Variants in KHDRBS2 observed in about 807,000 individuals in gnomAD.
KHDRBS2 encodes KH RNA binding domain containing, signal transduction associated 2, also known as KH domain-containing, RNA-binding, signal transduction-associated protein 2.
In KHDRBS2, 26 loss-of-function variants were observed where a neutral mutation model predicts 44.3. That is an observed-to-expected ratio of 0.59 (90% CI 0.43 to 0.81). The LOEUF is 0.81. Ranked by LOEUF, KHDRBS2 falls within the 40% of genes least tolerant of loss-of-function variation. The pLI, the probability that KHDRBS2 is intolerant of heterozygous loss-of-function variation, is 0.00. For synonymous variants in KHDRBS2, 194 were observed against 151.1 expected, an observed-to-expected ratio of 1.28 and a Z score of -2.08; for missense variants, 476 against 433.1, an observed-to-expected ratio of 1.10 and a Z score of -0.88.
intron 5 of KHDRBS2, among the ~76,000 whole-genome samples, chr6:61,899,278 T>C (rs1160155382): frequency 6.6e-6 from 1 of 151,878 alleles, no homozygotes; most frequent in African/African-American, 2.4e-5. Flanking sequence ...GAAAAGAATA[T>C]CTCTTATTCA....
At chr6:62,110,802 G>T (rs1300120650) in intron 2 of KHDRBS2, among the ~76,000 whole-genome samples, 1 of 151,942 alleles carries the variant, frequency 6.6e-6, no homozygotes, top group Non-Finnish European at 1.5e-5. Context: ...TATTTTGGTT[G>T]TAGTAATGAT....
At chr6:61,691,892 TTC>T (rs745428856) in intron 8 of KHDRBS2, among the ~76,000 whole-genome samples, 4 of 152,118 alleles carry the variant, frequency 2.6e-5, no homozygotes, top group Non-Finnish European at 5.9e-5. Flanking sequence ...GGCACAAAAT[TTC>T]TTTTTGCTTT....
At chr6:62,283,217 C>T (rs1224618186) in intron 1 of KHDRBS2, among the ~76,000 whole-genome samples, 1 of 152,062 alleles carries the variant, frequency 6.6e-6, no homozygotes, top group Non-Finnish European at 1.5e-5. Flanking sequence ...TTCTGAGTAA[C>T]AATCAACTGA....
intron 6 of KHDRBS2, among the ~76,000 whole-genome samples, chr6:61,823,934 T>C (rs1790417971): frequency 6.6e-6 from 1 of 152,154 alleles, no homozygotes; most frequent in Non-Finnish European, 1.5e-5. Context: ...AGTTAAATCA[T>C]GTAGAAATAT....
chr6:62,222,415 TG>T (rs1334989079), intron 1 of KHDRBS2, among the ~76,000 whole-genome samples: 5 of 152,088 alleles, frequency 3.3e-5, no homozygotes, highest in African/African-American at 4.8e-5. Flanking sequence ...ACTTCTTACA[TG>T]GCAGTGGCAA....
At chr6:62,162,353 A>T (rs1817830721) in intron 2 of KHDRBS2, among the ~76,000 whole-genome samples, 1 of 152,056 alleles carries the variant, frequency 6.6e-6, no homozygotes, top group Admixed American at 6.6e-5. Context: ...GCTAGATATA[A>T]GATTCTTGAT....
At chr6:62,214,356 T>G (rs1829626138) in intron 1 of KHDRBS2, among the ~76,000 whole-genome samples, 1 of 152,164 alleles carries the variant, frequency 6.6e-6, no homozygotes, top group South Asian at 2.1e-4. Flanking sequence ...TATTATTAGT[T>G]TTTTAAATAC....
intron 6 of KHDRBS2, among the ~76,000 whole-genome samples, chr6:61,778,963 AC>A (rs1782516433): frequency 6.6e-6 from 1 of 152,090 alleles, no homozygotes; most frequent in South Asian, 2.1e-4. Context: ...TGGGCATCAG[AC>A]CCATTTCCAC....
chr6:62,146,137 C>T (rs1813883964), intron 2 of KHDRBS2, among the ~76,000 whole-genome samples: 3 of 151,810 alleles, frequency 2.0e-5, no homozygotes, highest in Non-Finnish European at 4.4e-5. Flanking sequence ...ACATACATCT[C>T]CCCTTGAGAA....
chr6:61,898,110 T>C (rs148146510), intron 5 of KHDRBS2, among the ~76,000 whole-genome samples: 1,976 of 152,208 alleles, frequency 0.013, 48 homozygotes, highest in African/African-American at 0.045. Context: ...CAACAAATTA[T>C]AGAGCTTAAA....
intron 6 of KHDRBS2, among the ~76,000 whole-genome samples, chr6:61,760,059 T>C (rs1191629599): frequency 1.3e-5 from 2 of 152,218 alleles, no homozygotes; most frequent in African/African-American, 4.8e-5. Context: ...CATTAAATAC[T>C]TTTTCCTTAA....
At chr6:62,061,468 A>G (rs1327856579) in intron 2 of KHDRBS2, among the ~76,000 whole-genome samples, 3 of 150,722 alleles carry the variant, frequency 2.0e-5, no homozygotes, top group African/African-American at 7.3e-5. Context: ...TCTGGGTTCA[A>G]AATTCTTTTC....
intron 6 of KHDRBS2, among the ~76,000 whole-genome samples, chr6:61,786,983 T>C (rs1783918010): frequency 1.3e-5 from 2 of 150,312 alleles, no homozygotes; most frequent in African/African-American, 4.9e-5. Context: ...TAAATATCTT[T>C]GTATATTTTA....
chr6:62,206,850 A>T (rs1457603305), intron 1 of KHDRBS2, among the ~76,000 whole-genome samples: 1 of 152,090 alleles, frequency 6.6e-6, no homozygotes, highest in East Asian at 1.9e-4. Context: ...AGTGCTTGTG[A>T]TGAAGAATAA....
At chr6:62,021,804 T>G (rs779646981) in intron 3 of KHDRBS2, among the ~76,000 whole-genome samples, 26 of 151,510 alleles carry the variant, frequency 1.7e-4, no homozygotes, top group Non-Finnish European at 3.1e-4. Context: ...AAAGGACAAA[T>G]TGCCTCACAC....
intron 5 of KHDRBS2, among the ~76,000 whole-genome samples, chr6:61,899,809 G>T (rs779420749): frequency 3.9e-4 from 56 of 142,370 alleles, no homozygotes; most frequent in African/African-American, 1.4e-3. Flanking sequence ...TTATACTTAC[G>T]TTCAACCACA....
At position 61,834,102 on chromosome 6, in the gene KHDRBS2, A is replaced by G. The variant is rs1792266836; in HGVS notation, c.810+60533T>C. ...TTCTGTGCAAACATAGCCTTCACCTATAATTCCATTAATCTCAGGAGTATT... is the reference window on the plus strand; with the variant it reads ...TTCTGTGCAAACATAGCCTTCACCTGTAATTCCATTAATCTCAGGAGTATT... On this transcript the variant is annotated intron_variant, in intron 6 of 8. Coordinates refer to ENST00000281156, the MANE Select transcript of KHDRBS2 (RefSeq NM_152688.4). 1.3e-5 allele frequency among the ~76,000 whole-genome samples: 2 copies of G among 152,106 alleles called. 1 individual carries two copies. The highest frequency in any genetic ancestry group is 4.1e-4 in the South Asian group (2 of 4,838).
intron 3 of KHDRBS2, among the ~76,000 whole-genome samples, 195 bp downstream of exon 3, chr6:62,047,683 A>T (rs1788012113): frequency 6.6e-6 from 1 of 151,914 alleles, no homozygotes; most frequent in Non-Finnish European, 1.5e-5. Flanking sequence ...TACTTTCTGG[A>T]AAGAAAAAGA....
At chr6:61,676,240 C>G (rs556205519), downstream of KHDRBS2, among the ~76,000 whole-genome samples, 94 of 151,912 alleles carry the variant, frequency 6.2e-4, no homozygotes, top group South Asian at 0.018. Flanking sequence ...CTAGCATATT[C>G]ATTTATGATT....
Sources: gnomAD v4.1 joint callset for allele counts (sites outside exome capture counted in the v4.1 genomes callset) on GRCh38, gnomAD v4.1.1 for gene constraint, MANE v1.5 for transcripts, NCBI Gene and HGNC (gene_info 2026-07-23, HGNC 2026-07-21) for gene names.